Variants in FXR1 observed in about 807,000 individuals in gnomAD.
FXR1 encodes the protein FMR1 autosomal homolog 1, also known as RNA-binding protein FXR1.
Under a neutral mutation model 84.0 loss-of-function variants are expected in FXR1, and 15 were observed. That is an observed-to-expected ratio of 0.18 (90% CI 0.12 to 0.27). FXR1 has a LOEUF of 0.27. Among genes scored for constraint, FXR1 ranks in the 10% least tolerant of loss-of-function variants. FXR1 has a pLI of 1.00. For synonymous variants in FXR1, 245 were observed against 250.7 expected, an observed-to-expected ratio of 0.98 and a Z score of 0.21; for missense variants, 480 against 774.4, an observed-to-expected ratio of 0.62 and a Z score of 4.51.
chr3:180,955,454 A>C (rs2108474697), intron 9 of FXR1, among the ~76,000 whole-genome samples: 1 of 152,312 alleles, frequency 6.6e-6, no homozygotes, highest in Non-Finnish European at 1.5e-5. Context: ...AAACTTGAAG[A>C]ATTTTGTATA....
rs1392413918 is a variant in FXR1 at position 180,978,002 on chromosome 3, TATAAAG to T, written c.*1714_*1719del. 1 of 152,016 alleles carries T rather than the reference TATAAAG, an allele frequency of 6.6e-6. No homozygotes were observed. Among genetic ancestry groups the T allele is most frequent in the African/African-American group, 2.4e-5 (1 of 41,412 alleles). The allele number at this position is 152,016 out of a possible 1,614,324, so 9.4% of individuals were successfully genotyped here. A position where few individuals can be genotyped will look rare whatever the true frequency, so the allele number is the denominator to read the frequency against. On this transcript the variant is annotated 3_prime_UTR_variant, in exon 17 of 17. Coordinates refer to ENST00000357559, the MANE Select transcript of FXR1 (RefSeq NM_005087.4). ...AGTAGTGCAACTCCTGTCCTTTATATATAAAGATATCAAGTAATTTCATGTCCTGAT... is the reference window on the plus strand; with the variant it reads ...AGTAGTGCAACTCCTGTCCTTTATATATATCAAGTAATTTCATGTCCTGAT...
At chr3:180,975,643 A>G (rs1714144979) in intron 16 of FXR1, among the ~76,000 whole-genome samples, 1 of 152,182 alleles carries the variant, frequency 6.6e-6, no homozygotes, top group South Asian at 2.1e-4. Flanking sequence ...CTGCCCAAAG[A>G]TACTGGGCAT....
At position 180,963,097 on chromosome 3, in the gene FXR1, A is replaced by ATTCTGAGCTGTCTAACCCCTCTG; in HGVS notation, c.1198+7_1198+8insTTCTGAGCTGTCTAACCCCTCTG. 1 of 1,361,912 alleles carries ATTCTGAGCTGTCTAACCCCTCTG rather than the reference A, an allele frequency of 7.3e-7. No individual in the cohort carries two copies. The highest frequency in any genetic ancestry group is 2.3e-5 in the East Asian group (1 of 43,658). 84.4% of individuals were successfully genotyped at this position (1,361,912 alleles called of 1,614,324 possible). The stretch of plus-strand genomic sequence containing the variant: ...AATTACACCTCCGGTTATGGTAAAA[A>ATTCTGAGCTGTCTAACCCCTCTG]AAAATTTTTTTTTTTTTTTTTTGGT... On this transcript the variant is annotated splice_region_variant and intron_variant, in intron 13 of 16. Transcript: ENST00000357559.
At chr3:180,966,885 A>G (rs1712900822) in intron 13 of FXR1, among the ~76,000 whole-genome samples, 1 of 152,200 alleles carries the variant, frequency 6.6e-6, no homozygotes, top group South Asian at 2.1e-4. Flanking sequence ...TGAATATGAT[A>G]GTGATTGAGT....
At chr3:180,919,282 A>T (rs1362188573) in intron 1 of FXR1, among the ~76,000 whole-genome samples, 1,457 of 133,036 alleles carry the variant, frequency 0.011, 22 homozygotes, top group African/African-American at 0.043. Context: ...TTTTTTTTTT[A>T]TTTTTGTTTT....
intron 1 of FXR1, among the ~76,000 whole-genome samples, chr3:180,924,546 TG>T (rs1442004698): frequency 6.6e-6 from 1 of 152,196 alleles, no homozygotes; most frequent in Non-Finnish European, 1.5e-5. Context: ...TGATTTTAGG[TG>T]TCAGTAAACT....
intron 13 of FXR1, among the ~76,000 whole-genome samples, chr3:180,966,367 T>C (rs781005695): frequency 5.9e-5 from 9 of 152,210 alleles, no homozygotes; most frequent in Admixed American, 5.2e-4. Flanking sequence ...CCTAGAGTTA[T>C]CGTTAAAGGA....
rs928000476 is a variant in FXR1 at position 180,982,100 on chromosome 3, T to A, written c.*5808T>A. 1 of 152,024 alleles carries A rather than the reference T, an allele frequency of 6.6e-6. No homozygotes were observed. Among genetic ancestry groups the A allele is most frequent in the African/African-American group, 2.4e-5 (1 of 41,428 alleles). The allele number at this position is 152,024 out of a possible 1,614,324, so 9.4% of individuals were successfully genotyped here. The stretch of plus-strand genomic sequence containing the variant: ...AGTTAAGAGAACGGAACTCAGGATC[T>A]GAGAAAGATCAGCCATTCTCAGCAT... On this transcript the variant is annotated 3_prime_UTR_variant, in exon 17 of 17. Transcript: ENST00000357559.
chr3:180,940,637 C>T (rs1482705880), intron 3 of FXR1, among the ~76,000 whole-genome samples: 3 of 148,106 alleles, frequency 2.0e-5, no homozygotes, highest in Non-Finnish European at 3.0e-5. Flanking sequence ...AGTGCAATGG[C>T]GCCATCTCGG....
Position 180,980,450 on chromosome 3 carries a change from A to G in FXR1, c.*4158A>G, listed in dbSNP as rs954742416. 2.6e-5 allele frequency: 4 copies of G among 151,876 alleles called. No homozygotes were observed. Among genetic ancestry groups the G allele is most frequent in the East Asian group, 1.9e-4 (1 of 5,184 alleles). 9.4% of individuals were successfully genotyped at this position (151,876 alleles called of 1,614,324 possible). A position where few individuals can be genotyped will look rare whatever the true frequency, so the allele number is the denominator to read the frequency against. ...TAATTGGATTAACTGTAAAATGTACATATTAATTTTCTAGTTTTAGAGACC... is the reference window on the plus strand; with the variant it reads ...TAATTGGATTAACTGTAAAATGTACGTATTAATTTTCTAGTTTTAGAGACC... On this transcript the variant is annotated 3_prime_UTR_variant, in exon 17 of 17. Transcript: ENST00000357559.
At chr3:180,946,825 CTGA>C (rs1721743187) in intron 3 of FXR1, among the ~76,000 whole-genome samples, 1 of 152,114 alleles carries the variant, frequency 6.6e-6, no homozygotes, top group Admixed American at 6.6e-5. Flanking sequence ...ATAGGTTTCC[CTGA>C]TGATCTCTGC....
chr3:180,939,996 A>C (rs1029235363), intron 3 of FXR1, among the ~76,000 whole-genome samples: 1 of 152,208 alleles, frequency 6.6e-6, no homozygotes, highest in Non-Finnish European at 1.5e-5. Context: ...ACATTTTGTT[A>C]CATTAAAAAT....
At chr3:180,941,509 A>T (rs972793013) in intron 3 of FXR1, among the ~76,000 whole-genome samples, 1 of 152,182 alleles carries the variant, frequency 6.6e-6, no homozygotes, top group African/African-American at 2.4e-5. Context: ...TATAAAAGAT[A>T]TACATGGATT....
In FXR1 at chr3:180,978,415, A is replaced by G. The variant is rs1714426101; in HGVS notation, c.*2123A>G. The G allele has an allele frequency of 6.6e-6, 1 of 152,114 alleles. No homozygotes were observed. Among genetic ancestry groups the G allele is most frequent in the Admixed American group, 6.5e-5 (1 of 15,272 alleles). The allele number at this position is 152,114 out of a possible 1,614,324, so 9.4% of individuals were successfully genotyped here. On this transcript the variant is annotated 3_prime_UTR_variant, in exon 17 of 17. Transcript: ENST00000357559. ...AAAATATAGGTAGTGCAGAATTGTG[A>G]TAAATACGCATTTGTTTTTTTAGAG...
intron 10 of FXR1, 103 bp downstream of exon 10, chr3:180,958,031 C>T: frequency 2.1e-6 from 1 of 474,130 alleles, no homozygotes; most frequent in South Asian, 5.3e-5. Context: ...GAGGGTTTTT[C>T]TTCTTTTTAA....
In FXR1 at chr3:180,912,754, A is replaced by C; in HGVS notation, c.51+18A>C. 6.2e-7 allele frequency: 1 copy of C among 1,613,942 alleles called. No individual in the cohort carries two copies. Among genetic ancestry groups the C allele is most frequent in the Non-Finnish European group, 8.5e-7 (1 of 1,179,988 alleles). On this transcript the variant is annotated intron_variant, in intron 1 of 16. Transcript: ENST00000357559. ...TCTACAAGGTACTGACCGTTTTGCCACTTTGTCGAGTGTTCTGGGTGCTGG... is the reference window on the plus strand; with the variant it reads ...TCTACAAGGTACTGACCGTTTTGCCCCTTTGTCGAGTGTTCTGGGTGCTGG...
intron 1 of FXR1, among the ~76,000 whole-genome samples, chr3:180,924,317 C>G (rs1013357915): frequency 2.6e-5 from 4 of 152,128 alleles, no homozygotes; most frequent in African/African-American, 9.7e-5. Flanking sequence ...GGTGATGGCA[C>G]ATAGGTCGTA....
intron 10 of FXR1, among the ~76,000 whole-genome samples, chr3:180,959,957 C>CA (rs994310391): frequency 6.6e-6 from 1 of 151,826 alleles, no homozygotes; most frequent in Non-Finnish European, 1.5e-5. Flanking sequence ...ATATTTAGAA[C>CA]AAAAAAATCC....
chr3:180,948,605 TAATG>T, intron 5 of FXR1, 110 bp downstream of exon 5: 1 of 1,006,134 alleles, frequency 9.9e-7, no homozygotes, highest in Non-Finnish European at 1.5e-6. Context: ...AAAATCATCT[TAATG>T]AACAAAGGTT....
Sources: allele counts gnomAD v4.1 joint callset (sites outside exome capture counted in the v4.1 genomes callset), GRCh38; gene constraint gnomAD v4.1.1; transcripts MANE v1.5; gene names NCBI Gene and HGNC (gene_info 2026-07-23, HGNC 2026-07-21).